The following FIP1L1 variants were observed in gnomAD, a reference collection of about 807,000 sequenced individuals.
FIP1L1 encodes pre-mRNA 3'-end-processing factor FIP1.
A neutral mutation model predicts 84.6 loss-of-function variants in FIP1L1; 21 were observed. The observed-to-expected ratio is 0.25, with a 90% confidence interval of 0.18 to 0.36. FIP1L1 has a LOEUF of 0.36. FIP1L1 is among the 10% of genes least tolerant of loss of function. The pLI is 1.00. For missense variants in FIP1L1, 526 were observed against 751.1 expected (o/e 0.70, Z 3.50); for synonymous variants, 263 against 242.3 (o/e 1.09, Z -0.80).
At chr4:53,409,991 C>T (rs1357897511) in intron 10 of FIP1L1, among the ~76,000 whole-genome samples, 1 of 152,364 alleles carries the variant, frequency 6.6e-6, no homozygotes, top group East Asian at 1.9e-4. Context: ...TGGTGCGCTG[C>T]ACCCACTGTC....
Position 53,458,645 on chromosome 4 carries a change from AATTTCAGCGATGAAGAACGAT to A in FIP1L1, c.1500-6_1514del. The A allele has an allele frequency of 6.2e-7, 1 of 1,606,946 alleles. No individual in the cohort carries two copies. The highest frequency in any genetic ancestry group is 8.5e-7 in the Non-Finnish European group (1 of 1,176,582). On this transcript the variant is annotated splice_acceptor_variant and splice_polypyrimidine_tract_variant and coding_sequence_variant and intron_variant, in exon 17 of 18. Transcript: ENST00000337488. LOFTEE classifies it high-confidence loss of function. ...GTTGTCAAGAAAACATTTCTATTTC[AATTTCAGCGATGAAGAACGAT>A]ACAGATACAGGGAATATGCAGAAAG...
intron 10 of FIP1L1, among the ~76,000 whole-genome samples, chr4:53,408,681 G>A (rs570283138): frequency 1.4e-3 from 217 of 152,228 alleles, no homozygotes; most frequent in African/African-American, 4.9e-3. Context: ...TTTCTTGGAG[G>A]CTTTGTTCGT....
rs1553926936 is a variant in FIP1L1, at chr4:53,459,297, T to TTC, written c.1638-5_1638-4insTC. 99 of 1,479,538 alleles carry TTC rather than the reference T, an allele frequency of 6.7e-5. No homozygotes were observed. The highest frequency in any genetic ancestry group is 4.8e-4 in the East Asian group (20 of 41,436). 91.7% of individuals were successfully genotyped at this position (1,479,538 alleles called of 1,614,324 possible). A position where few individuals can be genotyped will look rare whatever the true frequency, so the allele number is the denominator to read the frequency against. ...CACACCTTTTTTTTTTTTTTTTTTT[T>TTC]CCAGTAATAGTAGACGTCGCCATGA... On this transcript the variant is annotated splice_region_variant and splice_polypyrimidine_tract_variant and intron_variant, in intron 17 of 17. Coordinates refer to ENST00000337488, the MANE Select transcript of FIP1L1 (RefSeq NM_030917.4).
At chr4:53,416,840 T>C (rs545187787) in intron 11 of FIP1L1, among the ~76,000 whole-genome samples, 15 of 152,204 alleles carry the variant, frequency 9.9e-5, no homozygotes, top group African/African-American at 3.6e-4. Flanking sequence ...CACAGTCACC[T>C]GTAATCCCAG....
At chr4:53,450,224 G>A (rs369519981) in intron 15 of FIP1L1, among the ~76,000 whole-genome samples, 2 of 151,840 alleles carry the variant, frequency 1.3e-5, no homozygotes, top group Non-Finnish European at 2.9e-5. Flanking sequence ...CTAAACTTTC[G>A]ATAAATCTTA....
chr4:53,405,171 G>C (rs1160480811), intron 10 of FIP1L1, among the ~76,000 whole-genome samples: 1 of 152,076 alleles, frequency 6.6e-6, no homozygotes. Context: ...AATCCATCTT[G>C]AATTAATTTT....
intron 3 of FIP1L1, among the ~76,000 whole-genome samples, chr4:53,381,198 A>G (rs1737679413): frequency 6.6e-6 from 1 of 152,198 alleles, no homozygotes; most frequent in East Asian, 1.9e-4. Flanking sequence ...GAAAATTAAA[A>G]CTTCCAAAAG....
intron 11 of FIP1L1, among the ~76,000 whole-genome samples, chr4:53,419,991 G>A (rs183027072): frequency 6.6e-6 from 1 of 151,676 alleles, no homozygotes; most frequent in Middle Eastern, 3.2e-3. Context: ...GGTGGATCAC[G>A]AGGTCAGGAG....
intron 15 of FIP1L1, among the ~76,000 whole-genome samples, chr4:53,447,652 A>G: frequency 6.6e-6 from 1 of 152,168 alleles, no homozygotes; most frequent in East Asian, 1.9e-4. Flanking sequence ...AATTCAAATT[A>G]CAAGTTGAGT....
chr4:53,406,909 TATTA>T (rs1202854391), intron 10 of FIP1L1, among the ~76,000 whole-genome samples: 1 of 152,226 alleles, frequency 6.6e-6, no homozygotes, highest in African/African-American at 2.4e-5. Context: ...TTTTCTTCTT[TATTA>T]GTCTTGCTAG....
chr4:53,444,897 A>C (rs1193821119), intron 15 of FIP1L1, among the ~76,000 whole-genome samples: 1 of 152,120 alleles, frequency 6.6e-6, no homozygotes, highest in Admixed American at 6.6e-5. Flanking sequence ...GGATAGAGTA[A>C]CCTGTATAGA....
In FIP1L1 at chr4:53,442,695, C is replaced by A; in HGVS notation, c.1217C>A (p.Pro406Gln). Residue 406 changes from proline (P) to glutamine (Q), a missense_variant, in exon 14 of 18, where the codon CCA becomes CAA. Around this residue, in one of 6 missense-constraint regions of FIP1L1, gnomAD observed 83 missense variants for 93.8 expected, o/e 0.88. Coordinates refer to ENST00000337488, the MANE Select transcript of FIP1L1 (RefSeq NM_030917.4). ...GGCGCTCCACCTCCATCTCTTATAC[C>A]AACAATAGAAAGGTAAATCAGTATG... ...PPGAPPPSLIPTIESGHSSGY... is the reference protein window; with the variant it reads ...PPGAPPPSLIQTIESGHSSGY... The A allele has an allele frequency of 6.3e-7, 1 of 1,597,156 alleles. No individual in the cohort carries two copies. The highest frequency in any genetic ancestry group is 8.6e-7 in the Non-Finnish European group (1 of 1,165,274).
In FIP1L1 at chr4:53,377,677, C is replaced by T. The variant is rs1053671300; in HGVS notation, c.-162C>T. ...GACGGACCTGCGCTGGAGGCTTCAT[C>T]TTTGCCGCCGCTGCCGTCGCCTTCC... On this transcript the variant is annotated 5_prime_UTR_variant, in exon 1 of 18. Coordinates refer to ENST00000337488, the MANE Select transcript of FIP1L1 (RefSeq NM_030917.4). 4.3e-5 allele frequency: 27 copies of T among 632,772 alleles called. No homozygotes were observed. The highest frequency in any genetic ancestry group is 6.5e-5 in the Admixed American group (2 of 30,790). 39.2% of individuals were successfully genotyped at this position (632,772 alleles called of 1,614,324 possible).
chr4:53,458,418 T>C (rs1203565108), intron 16 of FIP1L1: 3 of 304,336 alleles, frequency 9.9e-6, no homozygotes, highest in Non-Finnish European at 1.8e-5. Flanking sequence ...CAGAACAAAA[T>C]TGGTCATTTA....
chr4:53,387,617 A>G (rs934853631), intron 5 of FIP1L1, among the ~76,000 whole-genome samples: 1 of 152,236 alleles, frequency 6.6e-6, no homozygotes, highest in East Asian at 1.9e-4. Context: ...TGTGGCTTAA[A>G]AAAGAAAAAT....
At chr4:53,400,855 A>G (rs1188369110) in intron 10 of FIP1L1, among the ~76,000 whole-genome samples, 1 of 152,228 alleles carries the variant, frequency 6.6e-6, no homozygotes, top group Non-Finnish European at 1.5e-5. Context: ...CTAAGCTTTA[A>G]ATATGTAGTA....
chr4:53,418,060 G>A (rs1252581196), intron 11 of FIP1L1, among the ~76,000 whole-genome samples: 1 of 152,112 alleles, frequency 6.6e-6, no homozygotes, highest in Non-Finnish European at 1.5e-5. Flanking sequence ...AAGCTGAGGT[G>A]GGTGGATCAC....
intron 11 of FIP1L1, 26 bp downstream of exon 11, chr4:53,414,748 A>G (rs1303256531): frequency 7.0e-7 from 1 of 1,419,758 alleles, no homozygotes; most frequent in Non-Finnish European, 9.9e-7. Context: ...AACATTGGAT[A>G]CTCCCTGATG....
intron 11 of FIP1L1, among the ~76,000 whole-genome samples, chr4:53,417,368 G>A (rs1189802969): frequency 6.6e-6 from 1 of 152,148 alleles, no homozygotes; most frequent in Non-Finnish European, 1.5e-5. Context: ...TAGCCTGGCT[G>A]TGGTGGCTCA....
Sources: allele counts gnomAD v4.1 joint callset (sites outside exome capture counted in the v4.1 genomes callset), GRCh38; gene constraint gnomAD v4.1.1; regional missense constraint gnomAD v4.1.1; transcripts MANE v1.5; gene names NCBI Gene and HGNC (gene_info 2026-07-23, HGNC 2026-07-21).